The following SAMHD1 variants were observed in gnomAD, a reference collection of about 807,000 sequenced individuals.
The protein encoded by SAMHD1 is deoxynucleoside triphosphate triphosphohydrolase SAMHD1.
In SAMHD1, 54 loss-of-function variants were observed where a neutral mutation model predicts 79.6. The ratio of observed to expected loss-of-function variants is 0.68; its 90% CI spans 0.55 to 0.85. The LOEUF is 0.85. Ranked by LOEUF, SAMHD1 falls within the 40% of genes least tolerant of loss-of-function variation. The pLI, the probability that SAMHD1 is intolerant of heterozygous loss-of-function variation, is 0.00. For missense variants in SAMHD1, 663 were observed against 782.7 expected (o/e 0.85, Z 1.82); for synonymous variants, 260 against 264.1 (o/e 0.98, Z 0.15).
chr20:36,951,688 G>A lies in SAMHD1; in HGVS notation c.-45C>T, dbSNP rs374493682. The A allele has an allele frequency of 3.7e-6, 6 of 1,609,496 alleles. No individual in the cohort carries two copies. The highest frequency in any genetic ancestry group is 2.7e-5 in the African/African-American group (2 of 74,890). On this transcript the variant is annotated 5_prime_UTR_variant, in exon 1 of 16. Transcript: ENST00000646673. ...CACAGCAGTCAAGAACCTCGGCGCCGGACCCGCGCGCAGGCGCACTGACAG... is the reference window on the plus strand; with the variant it reads ...CACAGCAGTCAAGAACCTCGGCGCCAGACCCGCGCGCAGGCGCACTGACAG...
At chr20:36,940,367 G>A (rs2063635094) in intron 3 of SAMHD1, 2 of 152,300 alleles carry the variant, frequency 1.3e-5, no homozygotes, top group Admixed American at 1.3e-4. Flanking sequence ...TCAGGAAGAT[G>A]CTTATTACTT....
chr20:36,907,199 C>A (rs1274186650), intron 11 of SAMHD1, among the ~76,000 whole-genome samples: 5 of 151,634 alleles, frequency 3.3e-5, no homozygotes, highest in Admixed American at 6.6e-5. Context: ...TCAAGCAATC[C>A]TCCTGCCTCA....
At chr20:36,947,379 G>T (rs2063695591) in intron 1 of SAMHD1, among the ~76,000 whole-genome samples, 1 of 109,770 alleles carries the variant, frequency 9.1e-6, no homozygotes. Flanking sequence ...ACTCTGATTT[G>T]GAAGAGGTGT....
At chr20:36,907,012 G>A (rs989110448) in intron 11 of SAMHD1, among the ~76,000 whole-genome samples, 2 of 151,030 alleles carry the variant, frequency 1.3e-5, no homozygotes, top group Admixed American at 6.6e-5. Context: ...GGCTGGTCTC[G>A]AACTCCTGGC....
intron 12 of SAMHD1, chr20:36,904,607 C>G: frequency 3.2e-6 from 1 of 316,838 alleles, no homozygotes; most frequent in Non-Finnish European, 6.1e-6. Context: ...ATCCCAACTA[C>G]TCGGGAGGCT....
At chr20:36,894,465 T>TCGTGATCCGCCCACCTCGG (rs1990160131) in intron 15 of SAMHD1, among the ~76,000 whole-genome samples, 2 of 152,098 alleles carry the variant, frequency 1.3e-5, no homozygotes, top group Non-Finnish European at 1.5e-5. Flanking sequence ...ACTCCTGACC[T>TCGTGATCCGCCCACCTCGG]CAGTAAAGGC....
chr20:36,929,856 G>A (rs949443754), intron 5 of SAMHD1, among the ~76,000 whole-genome samples: 6 of 152,060 alleles, frequency 3.9e-5, no homozygotes, highest in African/African-American at 1.4e-4. Flanking sequence ...ATCCACTTGG[G>A]CAGATTAGAG....
chr20:36,915,607 T>C (rs1399346786), intron 9 of SAMHD1, among the ~76,000 whole-genome samples: 1 of 151,812 alleles, frequency 6.6e-6, no homozygotes, highest in African/African-American at 2.4e-5. Context: ...CGTGGTAGCA[T>C]GCATCTGTAA....
intron 2 of SAMHD1, among the ~76,000 whole-genome samples, chr20:36,943,495 G>A (rs866521378): frequency 2.0e-5 from 3 of 152,114 alleles, no homozygotes; most frequent in Non-Finnish European, 4.4e-5. Flanking sequence ...GCACAGAGAC[G>A]TGCAATATAG....
In SAMHD1 at chr20:36,905,390, G is replaced by T. The variant is rs1215408383; in HGVS notation, c.1384C>A (p.Pro462Thr). Residue 462 changes from proline (P) to threonine (T), a missense_variant, in exon 12 of 16, where the codon CCA becomes ACA. Coordinates refer to ENST00000646673, the MANE Select transcript of SAMHD1 (RefSeq NM_015474.4). ...NLFKYVGETQ[P>T]TGQIKIKRED... ...CTTTTAATCTTTATTTGTCCTGTTG[G>T]CTGCGTCTCACCCACATACTTGAAT... is the stretch of plus-strand genomic sequence containing the variant. The T allele has an allele frequency of 5.0e-6, 8 of 1,613,976 alleles. No homozygotes were observed. The highest frequency in any genetic ancestry group is 5.9e-6 in the Non-Finnish European group (7 of 1,179,966).
intron 1 of SAMHD1, among the ~76,000 whole-genome samples, chr20:36,949,231 T>A (rs1298404637): frequency 6.6e-6 from 1 of 151,736 alleles, no homozygotes; most frequent in Non-Finnish European, 1.5e-5. Flanking sequence ...GCCGGTGCAC[T>A]TCAGCCTGCG....
At chr20:36,949,477 C>A (rs2063718121) in intron 1 of SAMHD1, among the ~76,000 whole-genome samples, 2 of 148,044 alleles carry the variant, frequency 1.4e-5, no homozygotes, top group East Asian at 4.0e-4. Context: ...AAAAATGAGG[C>A]CGGGCGCGGT....
In SAMHD1 at chr20:36,942,835, T is replaced by C. The variant is rs553130970; in HGVS notation, c.276-1724A>G. Among the ~76,000 whole-genome samples, 12 of 152,072 alleles carry C rather than the reference T, an allele frequency of 7.9e-5. No homozygotes were observed. The South Asian group carries it at 2.5e-3, about 32-fold the overall frequency. ...CTAATTTCTTTTTTGTTTTTGTATT[T>C]TTAGTAGAGACAGGGTTTCACCATG... On this transcript the variant is annotated intron_variant, in intron 2 of 15. Coordinates refer to ENST00000646673, the MANE Select transcript of SAMHD1 (RefSeq NM_015474.4).
At chr20:36,943,909 C>A (rs1211269376) in intron 2 of SAMHD1, among the ~76,000 whole-genome samples, 2 of 151,688 alleles carry the variant, frequency 1.3e-5, no homozygotes, top group Non-Finnish European at 2.9e-5. Flanking sequence ...GAAACCCTGT[C>A]TCTACTAAAA....
At chr20:36,950,512 C>A (rs1329851993) in intron 1 of SAMHD1, among the ~76,000 whole-genome samples, 1 of 152,064 alleles carries the variant, frequency 6.6e-6, no homozygotes, top group Non-Finnish European at 1.5e-5. Context: ...CTATTGGACA[C>A]CTAGAGGATA....
chr20:36,927,075 G>A, intron 6 of SAMHD1, 107 bp downstream of exon 6: 2 of 956,300 alleles, frequency 2.1e-6, no homozygotes, highest in Non-Finnish European at 3.4e-6. Flanking sequence ...ACACTGTAAT[G>A]GGGAAGTATT....
chr20:36,936,520 G>A (rs879312895), intron 3 of SAMHD1, among the ~76,000 whole-genome samples: 40 of 151,814 alleles, frequency 2.6e-4, no homozygotes, highest in Non-Finnish European at 5.2e-4. Flanking sequence ...ACAAAGTCTT[G>A]CTATATTGCC....
chr20:36,916,976 T>A lies in SAMHD1; in HGVS notation c.926A>T (p.Asp309Val). The change falls in exon 8 of 16, where the codon GAT becomes GTT. Residue 309 changes from aspartate (D) to valine (V), a missense_variant. Asp to Val is a radical substitution (Grantham distance 152). Transcript: ENST00000646673. Reference protein sequence around the residue: ...EIVSNKRNGIDVDKWDYFARD... With the variant: ...EIVSNKRNGIVVDKWDYFARD... ...GGCAAAATAATCCCATTTGTCCACA[T>A]CAATGCCATTTCTTTTATTAGATAC... 6.2e-7 allele frequency: 1 copy of A among 1,613,896 alleles called. No individual in the cohort carries two copies. The highest frequency in any genetic ancestry group is 8.5e-7 in the Non-Finnish European group (1 of 1,179,784).
chr20:36,892,812 G>A lies in SAMHD1; in HGVS notation c.*120C>T, dbSNP rs188941712. The A allele has an allele frequency of 1.5e-4, 193 of 1,271,316 alleles. 1 individual carries two copies. The East Asian group carries it at 3.7e-3, about 24-fold the overall frequency. The allele number at this position is 1,271,316 out of a possible 1,614,324, so 78.8% of individuals were successfully genotyped here. ...TAAAAGTTACTTAGCTTCAGCATGC[G>A]TGTACATTCAAAATACAAAATTAAA... On this transcript the variant is annotated 3_prime_UTR_variant, in exon 16 of 16. Coordinates refer to ENST00000646673, the MANE Select transcript of SAMHD1 (RefSeq NM_015474.4).
Sources: gnomAD v4.1 joint callset for allele counts (sites outside exome capture counted in the v4.1 genomes callset) on GRCh38, gnomAD v4.1.1 for gene constraint, MANE v1.5 for transcripts, NCBI Gene and HGNC (gene_info 2026-07-23, HGNC 2026-07-21) for gene names.